The following RNF182 variants were observed in gnomAD, a reference collection of about 807,000 sequenced individuals.
The protein encoded by RNF182 is E3 ubiquitin-protein ligase RNF182.
In RNF182, 15 loss-of-function variants were observed where a neutral mutation model predicts 14.4. That is an observed-to-expected ratio of 1.04 (90% CI 0.70 to 1.60). The LOEUF is 1.60. Ranked by LOEUF, RNF182 falls within the 40% of genes most tolerant of loss-of-function variation. The probability of loss-of-function intolerance (pLI) is 0.00; values close to 1 mark genes in which losing one functional copy is unlikely to be tolerated. For synonymous variants in RNF182, 128 were observed against 122.9 expected (o/e 1.04, Z -0.27); for missense variants, 268 against 294.8 (o/e 0.91, Z 0.67).
intron 1 of RNF182, among the ~76,000 whole-genome samples, chr6:13,932,974 C>A (rs1459913959): frequency 6.6e-6 from 1 of 152,146 alleles, no homozygotes; most frequent in African/African-American, 2.4e-5. Flanking sequence ...ATCTTACCAT[C>A]CCATATTGAT....
intron 1 of RNF182, among the ~76,000 whole-genome samples, chr6:13,940,796 A>C (rs1264290110): frequency 6.6e-6 from 1 of 152,120 alleles, no homozygotes; most frequent in Non-Finnish European, 1.5e-5. Context: ...TCTGCTCAAA[A>C]TATTTAAAAA....
intron 1 of RNF182, chr6:13,949,142 C>T: frequency 2.6e-6 from 2 of 784,192 alleles, no homozygotes; most frequent in East Asian, 4.9e-5. Context: ...CTTCAGGAAT[C>T]TTATAGCCCC....
chr6:13,942,869 G>A (rs1024594980), intron 1 of RNF182, among the ~76,000 whole-genome samples: 6 of 151,716 alleles, frequency 4.0e-5, no homozygotes, highest in East Asian at 1.9e-4. Flanking sequence ...CTTCTGTTCC[G>A]TTCTTATTTT....
chr6:13,943,092 A>T (rs1225032247), intron 1 of RNF182, among the ~76,000 whole-genome samples: 9 of 152,222 alleles, frequency 5.9e-5, no homozygotes, highest in Admixed American at 5.9e-4. Context: ...ATTTAATTAC[A>T]TTCAGGGAAT....
intron 1 of RNF182, among the ~76,000 whole-genome samples, chr6:13,971,989 T>A (rs919794452): frequency 2.6e-5 from 4 of 152,094 alleles, no homozygotes; most frequent in African/African-American, 9.7e-5. Context: ...GGTTTGGAAT[T>A]GGAATTTGTG....
Position 13,971,096 on chromosome 6 carries a change from C to A in RNF182, c.-366-3114C>A, listed in dbSNP as rs1018305094. Among the ~76,000 whole-genome samples the A allele has an allele frequency of 5.9e-5, 9 of 152,028 alleles. No homozygotes were observed. The South Asian group carries it at 8.3e-4, about 14-fold the overall frequency. On this transcript the variant is annotated intron_variant, in intron 1 of 2. Transcript: ENST00000488300. Reference sequence around the variant, plus strand: ...TAAGTCTGCTTGGACACTGTTTTTTCTTCCCTTCAAGGCGTCGGCTGTCCT... The same window carrying A: ...TAAGTCTGCTTGGACACTGTTTTTTATTCCCTTCAAGGCGTCGGCTGTCCT...
chr6:13,977,388 A>T lies in RNF182; in HGVS notation c.269A>T (p.Asn90Ile). 1.2e-6 allele frequency: 2 copies of T among 1,614,090 alleles called. No homozygotes were observed. The highest frequency in any genetic ancestry group is 2.2e-5 in the South Asian group (2 of 91,078). ...SLPDDNNILV[N>I]LTCGGKGKKC... is the part of the protein sequence containing the mutation. ...CCCGATGACAACAACATCCTTGTAA[A>T]CTTGACTTGTGGAGGCAAAGGGAAG... The change falls in exon 3 of 3, where the codon AAC (asparagine) becomes ATC (isoleucine). Residue 90 changes from asparagine (N) to isoleucine (I), a missense_variant. Transcript: ENST00000488300.
rs542699139 is a variant in RNF182 at position 13,978,585 on chromosome 6, T to A, written c.*722T>A. 1.2e-5 allele frequency: 2 copies of A among 166,976 alleles called. No homozygotes were observed. The highest frequency in any genetic ancestry group is 4.1e-4 in the South Asian group (2 of 4,820). 10.3% of individuals were successfully genotyped at this position (166,976 alleles called of 1,614,324 possible). A position where few individuals can be genotyped will look rare whatever the true frequency, so the allele number is the denominator to read the frequency against. ...CTGTTTTCCTCTCTCCTCAGTCTTA[T>A]CTGAGAAGAATGGAGGAGAAGGAAC... On this transcript the variant is annotated 3_prime_UTR_variant, in exon 3 of 3. Coordinates refer to ENST00000488300, the MANE Select transcript of RNF182 (RefSeq NM_152737.4).
At chr6:13,939,895 C>T (rs1759245452) in intron 1 of RNF182, among the ~76,000 whole-genome samples, 1 of 152,200 alleles carries the variant, frequency 6.6e-6, no homozygotes, top group South Asian at 2.1e-4. Flanking sequence ...GCTGCATTCA[C>T]TTCTTAATCT....
At chr6:13,970,829 G>C (rs368410616) in intron 1 of RNF182, among the ~76,000 whole-genome samples, 3 of 152,112 alleles carry the variant, frequency 2.0e-5, no homozygotes, top group Admixed American at 1.3e-4. Flanking sequence ...TCCAAAATAC[G>C]CGTTGGCAGA....
intron 1 of RNF182, chr6:13,949,273 A>G (rs957436166): frequency 2.3e-5 from 18 of 780,558 alleles, no homozygotes; most frequent in Non-Finnish European, 3.8e-5. Context: ...CTGCTCCCAG[A>G]CTTACCACAT....
intron 1 of RNF182, among the ~76,000 whole-genome samples, chr6:13,941,101 G>A (rs1366633279): frequency 1.3e-5 from 2 of 151,952 alleles, no homozygotes; most frequent in African/African-American, 4.8e-5. Context: ...TAATTGTATT[G>A]ATCAAAGTTT....
chr6:13,973,750 C>G (rs1381428387), intron 1 of RNF182, among the ~76,000 whole-genome samples: 4 of 152,152 alleles, frequency 2.6e-5, no homozygotes, highest in African/African-American at 9.7e-5. Context: ...ATTACTCAGT[C>G]TTGGGTATGT....
chr6:13,944,394 A>G (rs1029422738), intron 1 of RNF182, among the ~76,000 whole-genome samples: 2 of 152,100 alleles, frequency 1.3e-5, no homozygotes, highest in South Asian at 2.1e-4. Context: ...AACCTGAGCT[A>G]GTGTTTGTTC....
intron 1 of RNF182, among the ~76,000 whole-genome samples, chr6:13,930,164 T>C (rs1758931819): frequency 6.6e-6 from 1 of 152,036 alleles, no homozygotes; most frequent in Non-Finnish European, 1.5e-5. Context: ...AGAAACCCAG[T>C]CTAAGAACTA....
intron 1 of RNF182, among the ~76,000 whole-genome samples, chr6:13,960,014 G>A (rs567204730): frequency 6.6e-6 from 1 of 152,298 alleles, no homozygotes; most frequent in South Asian, 2.1e-4. Flanking sequence ...AGAGGAGCTG[G>A]CAGAAAAGAT....
chr6:13,973,018 G>A (rs183969), intron 1 of RNF182, among the ~76,000 whole-genome samples: 63,869 of 152,126 alleles, frequency 0.42, 14,222 homozygotes, highest in Middle Eastern at 0.52. Context: ...GCAGCCAGGA[G>A]GGAGGCTGTA....
chr6:13,930,023 C>T (rs546291819), intron 1 of RNF182, among the ~76,000 whole-genome samples: 6 of 152,104 alleles, frequency 3.9e-5, no homozygotes, highest in African/African-American at 7.2e-5. Flanking sequence ...ATTTATTATT[C>T]GTATTCATAT....
At chr6:13,941,951 G>A (rs537834112) in intron 1 of RNF182, among the ~76,000 whole-genome samples, 17 of 152,196 alleles carry the variant, frequency 1.1e-4, no homozygotes, top group African/African-American at 4.1e-4. Flanking sequence ...CTTCATGTAA[G>A]TCTGTGTTTC....
Sources: allele counts gnomAD v4.1 joint callset (sites outside exome capture counted in the v4.1 genomes callset), GRCh38; gene constraint gnomAD v4.1.1; transcripts MANE v1.5; gene names NCBI Gene and HGNC (gene_info 2026-07-23, HGNC 2026-07-21).